The following CPVL variants were observed in gnomAD, a reference collection of about 807,000 sequenced individuals.
The protein encoded by CPVL is carboxypeptidase vitellogenic like.
Under a neutral mutation model 63.7 loss-of-function variants are expected in CPVL, and 51 were observed. That is an observed-to-expected ratio of 0.80 (90% CI 0.64 to 1.01). The LOEUF is 1.01. Ranked by LOEUF, CPVL falls within the 50% of genes least tolerant of loss-of-function variation. CPVL has a pLI of 0.00. For synonymous variants in CPVL, 195 were observed against 206.0 expected, an observed-to-expected ratio of 0.95 and a Z score of 0.46; for missense variants, 530 against 573.1, an observed-to-expected ratio of 0.92 and a Z score of 0.77.
intron 5 of CPVL, among the ~76,000 whole-genome samples, chr7:29,177,276 C>A (rs1019830753): frequency 6.7e-6 from 1 of 149,726 alleles, no homozygotes; most frequent in Non-Finnish European, 1.5e-5. Flanking sequence ...TGTTTTGAGA[C>A]AGAGTCTCAC....
rs780466570 is a variant in CPVL, at chr7:29,064,058, TACCTTATAA to T, written c.1131_1137+2del. On this transcript the variant is annotated splice_donor_variant and coding_sequence_variant, in exon 11 of 13. Transcript: ENST00000265394. LOFTEE classifies it high-confidence loss of function. ...AAAATAGTAACTGAAGTAGCTCTCT[TACCTTATAA>T]TTATTCATGATTTCAGTTAACCATG... is the stretch of plus-strand genomic sequence containing the variant. 4 of 1,603,362 alleles carry T rather than the reference TACCTTATAA, an allele frequency of 2.5e-6. No homozygotes were observed. Among genetic ancestry groups the T allele is most frequent in the Non-Finnish European group, 3.4e-6 (4 of 1,171,040 alleles).
intron 7 of CPVL, among the ~76,000 whole-genome samples, chr7:29,078,441 T>C (rs968752521): frequency 3.9e-5 from 6 of 152,248 alleles, no homozygotes; most frequent in African/African-American, 1.4e-4. Context: ...CTCAATGAGA[T>C]GAATAAACCC....
At chr7:29,014,816 G>C (rs1227078983) in intron 12 of CPVL, among the ~76,000 whole-genome samples, 1 of 152,146 alleles carries the variant, frequency 6.6e-6, no homozygotes, top group Non-Finnish European at 1.5e-5. Flanking sequence ...CCATGTCAAT[G>C]TTATCAAGGA....
At chr7:29,164,954 A>G (rs1224502771) in intron 5 of CPVL, among the ~76,000 whole-genome samples, 2 of 152,166 alleles carry the variant, frequency 1.3e-5, no homozygotes, top group Non-Finnish European at 2.9e-5. Flanking sequence ...CCATAGCTCC[A>G]TGATAAACCC....
At chr7:29,022,634 G>A (rs960813077) in intron 12 of CPVL, among the ~76,000 whole-genome samples, 1 of 152,222 alleles carries the variant, frequency 6.6e-6, no homozygotes, top group African/African-American at 2.4e-5. Context: ...CAATGGGCCC[G>A]CACAGGTTGC....
At chr7:29,146,607 A>C, upstream of CPVL, 1 of 1,550,374 alleles carries the variant, frequency 6.5e-7, no homozygotes. Flanking sequence ...ACAGGGCAAA[A>C]AGTGCGTCGT....
chr7:29,137,802 T>C (rs1313739945), intron 1 of CPVL, among the ~76,000 whole-genome samples: 1 of 152,180 alleles, frequency 6.6e-6, no homozygotes, highest in African/African-American at 2.4e-5. Flanking sequence ...ATTTAAAAAT[T>C]TGTTATGCAG....
chr7:29,130,294 A>T (rs567775795), intron 1 of CPVL, among the ~76,000 whole-genome samples: 19 of 152,342 alleles, frequency 1.2e-4, no homozygotes, highest in African/African-American at 3.8e-4. Flanking sequence ...AAAGGGAAGC[A>T]AAACTGATTT....
rs370113431 is a variant in CPVL, at chr7:29,101,393, G to A, written c.289-5176C>T. Among the ~76,000 whole-genome samples, 30 of 152,198 alleles carry A rather than the reference G, an allele frequency of 2.0e-4. 1 individual carries two copies. Among genetic ancestry groups the A allele is most frequent in the East Asian group, 1.5e-3 (8 of 5,196 alleles). Reference sequence around the variant, plus strand: ...AGGCGGGTGGATCACGAGGTCAGGAGATCGAAACCATCCTTGCTAACACGG... The same window carrying A: ...AGGCGGGTGGATCACGAGGTCAGGAAATCGAAACCATCCTTGCTAACACGG... On this transcript the variant is annotated intron_variant, in intron 3 of 12. Transcript: ENST00000265394.
At chr7:29,158,288 T>G (rs548571358) in intron 5 of CPVL, among the ~76,000 whole-genome samples, 59 of 152,312 alleles carry the variant, frequency 3.9e-4, no homozygotes, top group African/African-American at 1.3e-3. Context: ...ACATATTTTC[T>G]TAGGACCTCA....
chr7:29,164,729 C>T (rs989241290), intron 5 of CPVL, among the ~76,000 whole-genome samples: 6 of 141,766 alleles, frequency 4.2e-5, no homozygotes, highest in East Asian at 2.0e-4. Context: ...TGCAGTGAGC[C>T]GAGATCTCAC....
chr7:29,072,892 C>T (rs954321177), intron 7 of CPVL, among the ~76,000 whole-genome samples: 42 of 152,050 alleles, frequency 2.8e-4, no homozygotes, highest in African/African-American at 9.9e-4. Context: ...TATTTATTGG[C>T]CACTAAAATT....
intron 7 of CPVL, 52 bp downstream of exon 7, chr7:29,086,432 T>C (rs2128597054): frequency 8.1e-7 from 1 of 1,234,036 alleles, no homozygotes; most frequent in East Asian, 2.3e-5. Flanking sequence ...TCATAATATA[T>C]GTCAGTTCTG....
chr7:29,106,995 A>C (rs376717378), intron 3 of CPVL, among the ~76,000 whole-genome samples: 1 of 152,284 alleles, frequency 6.6e-6, no homozygotes, highest in East Asian at 1.9e-4. Flanking sequence ...CAGTCATCAG[A>C]AGGATTGACT....
intron 12 of CPVL, among the ~76,000 whole-genome samples, chr7:29,023,651 TC>T (rs1373581644): frequency 1.3e-5 from 2 of 152,076 alleles, no homozygotes; most frequent in African/African-American, 4.8e-5. Flanking sequence ...CCACCTGGTG[TC>T]CCAATCCATA....
intron 11 of CPVL, among the ~76,000 whole-genome samples, chr7:29,055,146 T>C (rs77252563): frequency 0.052 from 7,871 of 152,302 alleles, 228 homozygotes; most frequent in Non-Finnish European, 0.07. Flanking sequence ...CTGTTTACTT[T>C]TGTGTTAGGT....
At chr7:28,997,146 A>C (rs1169354859) in intron 12 of CPVL, among the ~76,000 whole-genome samples, 1 of 152,230 alleles carries the variant, frequency 6.6e-6, no homozygotes, top group Non-Finnish European at 1.5e-5. Flanking sequence ...CCAAAAGGGC[A>C]AGGACTGACA....
chr7:28,997,898 C>G (rs1784246853), intron 12 of CPVL, among the ~76,000 whole-genome samples: 2 of 151,158 alleles, frequency 1.3e-5, no homozygotes, highest in Admixed American at 6.6e-5. Context: ...GATGTGGGAC[C>G]AGACTTAACT....
At chr7:29,029,511 TG>T (rs1366552389) in intron 12 of CPVL, among the ~76,000 whole-genome samples, 8 of 152,174 alleles carry the variant, frequency 5.3e-5, no homozygotes, top group Non-Finnish European at 8.8e-5. Context: ...GTGACATGGA[TG>T]GAACTGGAGG....
Sources: allele counts gnomAD v4.1 joint callset (sites outside exome capture counted in the v4.1 genomes callset), GRCh38; gene constraint gnomAD v4.1.1; transcripts MANE v1.5; gene names NCBI Gene and HGNC (gene_info 2026-07-23, HGNC 2026-07-21).